Variants in FBXL13 observed in about 807,000 individuals in gnomAD.
FBXL13 encodes F-box and leucine-rich repeat protein 13.
FBXL13 carries 67 observed loss-of-function variants against 83.6 expected under a neutral mutation model. That is an observed-to-expected ratio of 0.80 (90% CI 0.66 to 0.98). The LOEUF is 0.98. FBXL13 is among the 50% of genes least tolerant of loss of function. The probability of loss-of-function intolerance (pLI) is 0.00; values close to 1 mark genes in which losing one functional copy is unlikely to be tolerated. For synonymous variants in FBXL13, 272 were observed against 299.5 expected, an observed-to-expected ratio of 0.91 and a Z score of 0.95; for missense variants, 822 against 866.5, an observed-to-expected ratio of 0.95 and a Z score of 0.64.
intron 6 of FBXL13, among the ~76,000 whole-genome samples, chr7:102,991,151 T>A (rs79998946): frequency 4.0e-5 from 6 of 151,674 alleles, no homozygotes; most frequent in African/African-American, 1.5e-4. Context: ...AGAAAGAAAG[T>A]GAAATTACAT....
chr7:103,016,431 GGGTTCATCTCACTAACCGAGGTACCA>G (rs1254801686), intron 6 of FBXL13, among the ~76,000 whole-genome samples: 2 of 152,080 alleles, frequency 1.3e-5, no homozygotes, highest in African/African-American at 4.8e-5. Context: ...CTGAGGTACT[GGGTTCATCTCACTAACCGAGGTACCA>G]GGTTCATCTC....
Position 102,858,918 on chromosome 7 carries a change from C to T in FBXL13, c.1636-4058G>A, listed in dbSNP as rs529107659. Reference sequence around the variant, plus strand: ...GAAGAAAATGTTCTGGAATTAGATTCTAGTGGTAGTTCCACCACAAACAAA... The same window carrying T: ...GAAGAAAATGTTCTGGAATTAGATTTTAGTGGTAGTTCCACCACAAACAAA... On this transcript the variant is annotated intron_variant, in intron 16 of 19. Transcript: ENST00000313221. Among the ~76,000 whole-genome samples the T allele has an allele frequency of 1.7e-4, 26 of 152,260 alleles. 1 individual carries two copies. The South Asian group carries it at 2.1e-3, about 12-fold the overall frequency.
chr7:102,937,692 C>T (rs1285023368), intron 8 of FBXL13, among the ~76,000 whole-genome samples: 3 of 152,104 alleles, frequency 2.0e-5, no homozygotes, highest in Non-Finnish European at 4.4e-5. Flanking sequence ...TTGGTAGTGC[C>T]TGCCACAGAG....
intron 7 of FBXL13, among the ~76,000 whole-genome samples, chr7:102,964,874 A>T (rs1457811314): frequency 1.3e-5 from 2 of 152,220 alleles, no homozygotes; most frequent in Non-Finnish European, 2.9e-5. Flanking sequence ...TTTCGATAGG[A>T]GACAGATTAA....
chr7:103,043,043 A>G (rs1227883057), intron 2 of FBXL13, among the ~76,000 whole-genome samples: 2 of 152,134 alleles, frequency 1.3e-5, no homozygotes, highest in South Asian at 4.2e-4. Context: ...AACCTGTAGA[A>G]TGGGAGAGAA....
intron 6 of FBXL13, among the ~76,000 whole-genome samples, chr7:102,974,717 G>A (rs1007420846): frequency 1.3e-5 from 2 of 151,680 alleles, no homozygotes; most frequent in African/African-American, 2.4e-5. Flanking sequence ...TATTTTCCTC[G>A]TTAGATCCAG....
intron 17 of FBXL13, among the ~76,000 whole-genome samples, chr7:102,834,102 GAAA>G (rs1562926185): frequency 2.2e-4 from 22 of 102,036 alleles, no homozygotes; most frequent in Admixed American, 1.1e-3. Flanking sequence ...AAGAAAGAAA[GAAA>G]GAAAGAAAGA....
intron 6 of FBXL13, chr7:102,987,958 G>C (rs1829166245): frequency 6.6e-6 from 1 of 152,162 alleles, no homozygotes; most frequent in Non-Finnish European, 1.5e-5. Context: ...GTGATGGCTG[G>C]AGATACACAG....
intron 8 of FBXL13, among the ~76,000 whole-genome samples, chr7:102,932,640 G>A (rs959717146): frequency 6.6e-6 from 1 of 152,202 alleles, no homozygotes. Context: ...TGTCAGCCAC[G>A]CTAGAGTGCA....
chr7:103,022,002 A>C (rs1366904116), intron 6 of FBXL13, among the ~76,000 whole-genome samples: 1 of 152,238 alleles, frequency 6.6e-6, no homozygotes, highest in Non-Finnish European at 1.5e-5. Context: ...AGGATTATAA[A>C]TCATGCTGCT....
intron 8 of FBXL13, among the ~76,000 whole-genome samples, chr7:102,957,318 A>G (rs1227572588): frequency 6.6e-6 from 1 of 152,212 alleles, no homozygotes; most frequent in Non-Finnish European, 1.5e-5. Context: ...ATGCTGGGAA[A>G]ATTGGCTAGC....
chr7:102,929,071 C>T (rs1187643946), intron 9 of FBXL13, among the ~76,000 whole-genome samples: 4 of 152,098 alleles, frequency 2.6e-5, no homozygotes, highest in African/African-American at 9.7e-5. Flanking sequence ...TTCTGCTGGA[C>T]AGGGATTAAA....
rs1166056647 is a variant in FBXL13, at chr7:103,014,921, CAAAAA to C, written c.495+10137_495+10141del. Among the ~76,000 whole-genome samples the C allele has an allele frequency of 2.9e-4, 6 of 20,612 alleles. No homozygotes were observed. In the East Asian group the frequency reaches 7.4e-3, roughly 26 times the overall value. The allele number at this position is 20,612 out of a possible 152,430, so 13.5% of individuals were successfully genotyped here. On this transcript the variant is annotated intron_variant, in intron 6 of 19. Coordinates refer to ENST00000313221, the Ensembl canonical transcript of FBXL13. ...CCTGGGCGACAGGGAGACTCCGTCT[CAAAAA>C]AAAAAAAAAAAAAAAAAAAAAGAAA...
At chr7:102,910,390 T>C (rs889919746) in intron 11 of FBXL13, among the ~76,000 whole-genome samples, 2 of 152,052 alleles carry the variant, frequency 1.3e-5, no homozygotes, top group South Asian at 2.1e-4. Flanking sequence ...TTCTTTCTTT[T>C]TTTTTTCTTT....
intron 6 of FBXL13, among the ~76,000 whole-genome samples, chr7:102,980,675 G>C (rs1375894601): frequency 6.6e-6 from 1 of 152,194 alleles, no homozygotes; most frequent in African/African-American, 2.4e-5. Context: ...TACTCAGGAG[G>C]CTGAGTCAGG....
At chr7:102,916,251 T>TGCTG (rs1295850221) in intron 10 of FBXL13, among the ~76,000 whole-genome samples, 1 of 152,164 alleles carries the variant, frequency 6.6e-6, no homozygotes, top group Admixed American at 6.5e-5. Flanking sequence ...CCTCCCAAAG[T>TGCTG]GCTGGGATTA....
chr7:102,857,554 T>G (rs1806209657), intron 16 of FBXL13: 1 of 153,462 alleles, frequency 6.5e-6, no homozygotes, highest in Non-Finnish European at 1.5e-5. Flanking sequence ...TCCCTCACCG[T>G]TCCATGTGTG....
chr7:102,966,024 G>A (rs1825933361), intron 7 of FBXL13, among the ~76,000 whole-genome samples: 2 of 152,284 alleles, frequency 1.3e-5, no homozygotes, highest in South Asian at 4.1e-4. Context: ...GAAGGTTTCA[G>A]GGGCTCTAGC....
intron 6 of FBXL13, among the ~76,000 whole-genome samples, chr7:103,019,856 C>A (rs1042249086): frequency 2.6e-5 from 4 of 152,080 alleles, no homozygotes; most frequent in African/African-American, 9.7e-5. Context: ...AAGAAAAGGC[C>A]AGGACCAGAT....
Sources: gnomAD v4.1 joint callset for allele counts (sites outside exome capture counted in the v4.1 genomes callset) on GRCh38, gnomAD v4.1.1 for gene constraint, MANE v1.5 for transcripts, NCBI Gene and HGNC (gene_info 2026-07-23, HGNC 2026-07-21) for gene names.